CELF4: variants seen among roughly 807,000 people sequenced by gnomAD.
The protein encoded by CELF4 is CUG-BP- and ETR-3-like factor 4.
In CELF4, 18 loss-of-function variants were observed where a neutral mutation model predicts 59.9. That is an observed-to-expected ratio of 0.30 (90% CI 0.21 to 0.45). The LOEUF (loss-of-function observed/expected upper bound fraction) is 0.45, where lower values mean the gene tolerates loss of function less well. Ranked by LOEUF, CELF4 falls within the 20% of genes least tolerant of loss-of-function variation. The pLI, the probability that CELF4 is intolerant of heterozygous loss-of-function variation, is 1.00. For synonymous variants in CELF4, 261 were observed against 267.1 expected (o/e 0.98, Z 0.22); for missense variants, 456 against 689.0 (o/e 0.66, Z 3.79).
At chr18:37,466,644 G>T (rs1006302810) in intron 2 of CELF4, among the ~76,000 whole-genome samples, 1 of 152,228 alleles carries the variant, frequency 6.6e-6, no homozygotes, top group African/African-American at 2.4e-5. Flanking sequence ...GGTCAGCCTT[G>T]TGCCAATGCT....
rs115881281 is a variant in CELF4, at chr18:37,410,749, G to A, written c.369+74776C>T. ...TGCGTGAGTCAGCCTGCACACCCCC[G>A]TCACCGCAGATGCAAGGAGGGCACA... On this transcript the variant is annotated intron_variant, in intron 2 of 12. Transcript: ENST00000420428. 2.3e-3 allele frequency among the ~76,000 whole-genome samples: 346 copies of A among 152,304 alleles called. 3 individuals are homozygous for A. Among genetic ancestry groups the A allele is most frequent in the African/African-American group, 8.0e-3 (332 of 41,578 alleles).
intron 2 of CELF4, among the ~76,000 whole-genome samples, chr18:37,375,081 T>C (rs909194753): frequency 6.6e-6 from 1 of 152,178 alleles, no homozygotes; most frequent in Admixed American, 6.5e-5. Flanking sequence ...TTCCATTGGC[T>C]GCAGCTGGCC....
chr18:37,278,116 C>T (rs1236207569), intron 3 of CELF4, among the ~76,000 whole-genome samples: 1 of 151,964 alleles, frequency 6.6e-6, no homozygotes, highest in African/African-American at 2.4e-5. Flanking sequence ...CCTAATTCCT[C>T]GTTCCCCTCC....
intron 1 of CELF4, among the ~76,000 whole-genome samples, chr18:37,545,694 C>G (rs2099981053): frequency 6.6e-6 from 1 of 152,156 alleles, no homozygotes; most frequent in Admixed American, 6.5e-5. Context: ...GCAGGGGCCT[C>G]TCTTTTCCTG....
At chr18:37,441,419 T>C (rs1009056112) in intron 2 of CELF4, among the ~76,000 whole-genome samples, 1 of 152,084 alleles carries the variant, frequency 6.6e-6, no homozygotes, top group African/African-American at 2.4e-5. Context: ...GATATGTTTG[T>C]ATTTTCCAAT....
At chr18:37,265,211 G>A (rs1254361736) in intron 9 of CELF4, among the ~76,000 whole-genome samples, 4 of 152,004 alleles carry the variant, frequency 2.6e-5, no homozygotes, top group East Asian at 1.9e-4. Flanking sequence ...GGGTGTGTAC[G>A]TGTGTGTACG....
intron 3 of CELF4, among the ~76,000 whole-genome samples, chr18:37,297,261 C>A (rs772726122): frequency 5.3e-5 from 8 of 152,236 alleles, no homozygotes; most frequent in Non-Finnish European, 1.0e-4. Context: ...GAGGCCACTA[C>A]CTGCCATCTG....
intron 2 of CELF4, among the ~76,000 whole-genome samples, chr18:37,347,543 G>T (rs1048718479): frequency 3.4e-4 from 51 of 152,136 alleles, no homozygotes; most frequent in Non-Finnish European, 5.9e-5. Context: ...TTCGGGGCAG[G>T]TCGTCACCTG....
At chr18:37,520,715 C>A (rs1004075155) in intron 1 of CELF4, among the ~76,000 whole-genome samples, 2 of 152,082 alleles carry the variant, frequency 1.3e-5, no homozygotes. Flanking sequence ...CACTCAGATC[C>A]CAAGACATTT....
chr18:37,266,096 G>A (rs963100165), intron 9 of CELF4: 7 of 284,612 alleles, frequency 2.5e-5, no homozygotes, highest in Admixed American at 4.9e-5. Context: ...ATCTCTTCTA[G>A]AGGCCCTCCT....
chr18:37,540,588 C>A (rs186496339), intron 1 of CELF4, among the ~76,000 whole-genome samples: 4 of 152,172 alleles, frequency 2.6e-5, no homozygotes, highest in Non-Finnish European at 5.9e-5. Context: ...CCAGACGCAG[C>A]AGTGGGGCAG....
chr18:37,281,450 T>G (rs2154382433), intron 3 of CELF4, among the ~76,000 whole-genome samples: 1 of 152,300 alleles, frequency 6.6e-6, no homozygotes, highest in South Asian at 2.1e-4. Flanking sequence ...CGCAGTAGAT[T>G]TTTACTATTC....
In CELF4 at chr18:37,245,720, C is replaced by T. The variant is rs1056691027; in HGVS notation, c.*45-523G>A. On this transcript the variant is annotated intron_variant, in intron 12 of 12. Coordinates refer to ENST00000420428, the MANE Select transcript of CELF4 (RefSeq NM_020180.4). This position sits in a 1 kb window ranked among gnomAD's most constrained non-coding sequence, Gnocchi z 4.1. ...AGCTTCCAGCCAACCACTTCTTTCC[C>T]GGGGTCAGTAACTATTTGCGAGGCT... Among the ~76,000 whole-genome samples the T allele has an allele frequency of 2.0e-5, 3 of 152,144 alleles. No individual in the cohort carries two copies. The highest frequency in any genetic ancestry group is 2.9e-5 in the Non-Finnish European group (2 of 68,014).
intron 1 of CELF4, among the ~76,000 whole-genome samples, chr18:37,490,247 A>G (rs57645925): frequency 2.6e-5 from 4 of 152,126 alleles, no homozygotes; most frequent in Non-Finnish European, 5.9e-5. Context: ...TGGAAGTCAC[A>G]CCAAACTGAA....
At chr18:37,445,470 TC>T (rs1201037060) in intron 2 of CELF4, among the ~76,000 whole-genome samples, 17 of 151,864 alleles carry the variant, frequency 1.1e-4, no homozygotes, top group African/African-American at 4.1e-4. Flanking sequence ...AGTGCTGGCA[TC>T]CAAATGTGTG....
chr18:37,277,904 G>A (rs2093590870), intron 3 of CELF4, among the ~76,000 whole-genome samples: 1 of 152,134 alleles, frequency 6.6e-6, no homozygotes, highest in African/African-American at 2.4e-5. Flanking sequence ...ACAGAAAAAG[G>A]AAAGGAAGGG....
chr18:37,294,915 G>A (rs2095552340), intron 3 of CELF4, among the ~76,000 whole-genome samples: 1 of 152,158 alleles, frequency 6.6e-6, no homozygotes, highest in African/African-American at 2.4e-5. Context: ...AGAGAAGATG[G>A]AAGAAATGCA....
Position 37,254,420 on chromosome 18 carries a change from G to A in CELF4, c.1334-482C>T, listed in dbSNP as rs2067806911. Among the ~76,000 whole-genome samples the A allele has an allele frequency of 6.6e-6, 1 of 151,898 alleles. No homozygotes were observed. The highest frequency in any genetic ancestry group is 6.5e-5 in the Admixed American group (1 of 15,274). ...GACGAGTGCGAGGGGCCGGGAGGGA[G>A]GCGCCGCCGAGAAACTTCTCCACCG... On this transcript the variant is annotated intron_variant, in intron 11 of 12. Transcript: ENST00000420428. This position sits in a 1 kb window ranked among gnomAD's most constrained non-coding sequence, Gnocchi z 5.1.
intron 2 of CELF4, among the ~76,000 whole-genome samples, chr18:37,412,293 A>C (rs2099471923): frequency 6.6e-6 from 1 of 152,200 alleles, no homozygotes; most frequent in African/African-American, 2.4e-5. Flanking sequence ...GAGGATACAG[A>C]GGGTACAGCT....
Sources: gnomAD v4.1 joint callset for allele counts (sites outside exome capture counted in the v4.1 genomes callset) on GRCh38, gnomAD v4.1.1 for gene constraint, Gnocchi (gnomAD v3.1) non-coding constraint, MANE v1.5 for transcripts, NCBI Gene and HGNC (gene_info 2026-07-23, HGNC 2026-07-21) for gene names.